Variants in POFUT1 observed in about 807,000 individuals in gnomAD.
The protein encoded by POFUT1 is protein O-fucosyltransferase 1.
In POFUT1, 16 loss-of-function variants were observed where a neutral mutation model predicts 42.4. The observed-to-expected ratio is 0.38, with a 90% CI of 0.26 to 0.57. The LOEUF is 0.57. POFUT1 is among the 20% of genes least tolerant of loss of function. The pLI is 0.71. For synonymous variants in POFUT1, 206 were observed against 205.4 expected, an observed-to-expected ratio of 1.00 and a Z score of -0.03; for missense variants, 470 against 504.6, an observed-to-expected ratio of 0.93 and a Z score of 0.66.
intron 5 of POFUT1, 96 bp downstream of exon 5, chr20:32,228,551 G>A: frequency 9.8e-7 from 1 of 1,021,786 alleles, no homozygotes; most frequent in South Asian, 1.7e-5. Context: ...AGCCAGAGCA[G>A]AGATCTCTCA....
chr20:32,212,908 G>A (rs2047337572), intron 2 of POFUT1, among the ~76,000 whole-genome samples: 1 of 150,286 alleles, frequency 6.7e-6, no homozygotes, highest in Admixed American at 6.6e-5. Flanking sequence ...TTCCAAGACG[G>A]AGTTTTGCTC....
chr20:32,232,688 C>T (rs1353249404), intron 6 of POFUT1, among the ~76,000 whole-genome samples: 7 of 152,090 alleles, frequency 4.6e-5, no homozygotes, highest in Non-Finnish European at 2.9e-5. Context: ...CCCCCAACTA[C>T]CTCTATACTA....
intron 4 of POFUT1, among the ~76,000 whole-genome samples, chr20:32,227,152 G>A (rs572799854): frequency 1.3e-5 from 2 of 152,244 alleles, no homozygotes; most frequent in East Asian, 1.9e-4. Context: ...GAACAGCAAG[G>A]GGTTTCGTGC....
intron 1 of POFUT1, among the ~76,000 whole-genome samples, chr20:32,209,106 G>C (rs2047312189): frequency 6.6e-6 from 1 of 152,148 alleles, no homozygotes; most frequent in Non-Finnish European, 1.5e-5. Flanking sequence ...CTTCTCTGCT[G>C]ATCCTCCAGC....
At chr20:32,211,070 G>A (rs1454176909) in intron 2 of POFUT1, among the ~76,000 whole-genome samples, 1 of 152,090 alleles carries the variant, frequency 6.6e-6, no homozygotes, top group African/African-American at 2.4e-5. Flanking sequence ...TTACCTCTTT[G>A]TGCCTCAGTG....
At chr20:32,215,081 G>A (rs2047351602) in intron 2 of POFUT1, among the ~76,000 whole-genome samples, 188 bp from the exon 3 acceptor site, 1 of 152,114 alleles carries the variant, frequency 6.6e-6, no homozygotes, top group Admixed American at 6.5e-5. Flanking sequence ...TAAAGACAGG[G>A]TTTCACCATG....
chr20:32,236,406 T>C lies in POFUT1; in HGVS notation c.*1745T>C, dbSNP rs1412460651. 6.6e-6 allele frequency: 1 copy of C among 152,226 alleles called. No homozygotes were observed. Among genetic ancestry groups the C allele is most frequent in the Non-Finnish European group, 1.5e-5 (1 of 68,080 alleles). 9.4% of individuals were successfully genotyped at this position (152,226 alleles called of 1,614,324 possible). ...AGGCTGGAGTGCAGTGGCATGATCATGGCTTACTGCAGCCTTGATCTCCCA... is the reference window on the plus strand; with the variant it reads ...AGGCTGGAGTGCAGTGGCATGATCACGGCTTACTGCAGCCTTGATCTCCCA... On this transcript the variant is annotated 3_prime_UTR_variant, in exon 7 of 7. Transcript: ENST00000375749.
intron 6 of POFUT1, among the ~76,000 whole-genome samples, chr20:32,232,019 A>G (rs2122603081): frequency 6.6e-6 from 1 of 152,350 alleles, no homozygotes; most frequent in African/African-American, 2.4e-5. Flanking sequence ...AGGATGAGTG[A>G]AAACCGTAAA....
intron 6 of POFUT1, among the ~76,000 whole-genome samples, chr20:32,233,929 TC>T (rs1413566740): frequency 6.6e-6 from 1 of 152,182 alleles, no homozygotes; most frequent in Non-Finnish European, 1.5e-5. Flanking sequence ...ACACCTGTAA[TC>T]CCAGCTATTT....
At chr20:32,216,431 G>A (rs1253538713) in intron 3 of POFUT1, among the ~76,000 whole-genome samples, 178 bp from the exon 4 acceptor site, 2 of 152,202 alleles carry the variant, frequency 1.3e-5, no homozygotes, top group South Asian at 2.1e-4. Flanking sequence ...TGAAGCCACG[G>A]CACTCTGCTC....
At chr20:32,214,637 A>G (rs1317068874) in intron 2 of POFUT1, among the ~76,000 whole-genome samples, 1 of 152,180 alleles carries the variant, frequency 6.6e-6, no homozygotes, top group Non-Finnish European at 1.5e-5. Context: ...GAGGTTAGAC[A>G]TCTTCTGAGT....
intron 6 of POFUT1, 148 bp downstream of exon 6, chr20:32,231,209 A>T: frequency 1.2e-6 from 1 of 816,926 alleles, no homozygotes; most frequent in South Asian, 1.7e-5. Context: ...CCTCCTTCAA[A>T]CCCCAGCTCA....
intron 1 of POFUT1, among the ~76,000 whole-genome samples, chr20:32,208,270 CTG>C (rs930120649): frequency 2.6e-5 from 4 of 152,168 alleles, no homozygotes; most frequent in Non-Finnish European, 5.9e-5. Context: ...GATGAGAAAA[CTG>C]AGGCTGGGAG....
rs2047401142 is a variant in POFUT1 at position 32,223,676 on chromosome 20, C to T, written c.543-4587C>T. ...TCCTTCCTTCTCTAACCCCTGACAG[C>T]CTGATCGGGTCTTTCTGGTGAGGTC... On this transcript the variant is annotated intron_variant, in intron 4 of 6. Transcript: ENST00000375749. 7.1e-6 allele frequency: 7 copies of T among 985,244 alleles called. No individual in the cohort carries two copies. In the South Asian group the frequency reaches 2.3e-4, roughly 33 times the overall value. 61.0% of individuals were successfully genotyped at this position (985,244 alleles called of 1,614,324 possible).
intron 4 of POFUT1, among the ~76,000 whole-genome samples, chr20:32,218,854 T>G (rs1471855793): frequency 1.3e-5 from 2 of 152,246 alleles, no homozygotes; most frequent in African/African-American, 4.8e-5. Context: ...GGAGTGTTGT[T>G]GAAACACTTG....
intron 4 of POFUT1, among the ~76,000 whole-genome samples, chr20:32,219,509 T>A (rs751655751): frequency 6.7e-4 from 6 of 8,922 alleles, no homozygotes; most frequent in Non-Finnish European, 3.0e-3. Flanking sequence ...TAACAACAAG[T>A]TTTTTTTTTT....
intron 1 of POFUT1, among the ~76,000 whole-genome samples, 200 bp downstream of exon 1, chr20:32,208,265 G>C (rs2047304984): frequency 6.6e-6 from 1 of 152,194 alleles, no homozygotes; most frequent in East Asian, 1.9e-4. Flanking sequence ...TGACAGATGA[G>C]AAAACTGAGG....
rs777768127 is a variant in POFUT1 at position 32,215,420 on chromosome 20, G to A, written c.398G>A (p.Arg133Gln). 1.2e-5 allele frequency: 19 copies of A among 1,613,426 alleles called. No homozygotes were observed. The highest frequency in any genetic ancestry group is 6.7e-5 in the African/African-American group (5 of 74,880). ...VAYCFEVAAQRSPDKKTCPMK... is the reference protein window; with the variant it reads ...VAYCFEVAAQQSPDKKTCPMK... Reference sequence around the variant, plus strand: ...TACTGCTTTGAGGTGGCAGCCCAGCGAAGCCCAGATAAGAAGACGTGCCCC... The same window carrying A: ...TACTGCTTTGAGGTGGCAGCCCAGCAAAGCCCAGATAAGAAGACGTGCCCC... The change falls in exon 3 of 7, where the codon CGA (arginine) becomes CAA (glutamine). Residue 133 changes from arginine (R) to glutamine (Q), a missense_variant. By Grantham distance (43) the Arg-to-Gln change is conservative. Coordinates refer to ENST00000375749, the MANE Select transcript of POFUT1 (RefSeq NM_015352.2).
intron 5 of POFUT1, among the ~76,000 whole-genome samples, chr20:32,229,873 C>T (rs929773689): frequency 2.0e-5 from 3 of 151,912 alleles, no homozygotes; most frequent in African/African-American, 4.8e-5. Context: ...CTTCTGGGCT[C>T]AGGTGGTGGT....
Sources: gnomAD v4.1 joint callset for allele counts (sites outside exome capture counted in the v4.1 genomes callset) on GRCh38, gnomAD v4.1.1 for gene constraint, MANE v1.5 for transcripts, NCBI Gene and HGNC (gene_info 2026-07-23, HGNC 2026-07-21) for gene names.